FLG: variants seen among roughly 807,000 people sequenced by gnomAD.
The protein encoded by FLG is epidermal filaggrin.
FLG carries 6 observed loss-of-function variants against 3.8 expected under a neutral mutation model. The ratio of observed to expected loss-of-function variants is 1.60; its 90% confidence interval spans 0.87 to 3.15. The LOEUF (loss-of-function observed/expected upper bound fraction) is 3.15. Among genes scored for constraint, FLG ranks in the 30% most tolerant of loss-of-function variants. The pLI, the probability that FLG is intolerant of heterozygous loss-of-function variation, is 0.00. For missense variants in FLG, 7,595 were observed against 5,050.9 expected (o/e 1.50, Z -15.27); for synonymous variants, 2,551 against 1,931.6 (o/e 1.32, Z -8.41).
At position 152,309,296 on chromosome 1, in the gene FLG, C is replaced by A. The variant is rs763507313; in HGVS notation, c.5590G>T (p.Val1864Phe). The change falls in exon 3 of 3, where the codon GTC becomes TTC. Residue 1864 changes from valine (V) to phenylalanine (F), a missense_variant. By Grantham distance (50) the Val-to-Phe change is conservative (BLOSUM62 -1). Coordinates refer to ENST00000368799, the MANE Select transcript of FLG (RefSeq NM_002016.2). ...TTCTCATTACGTGTTTGTCTGCTGA[C>A]ACTTCTGGATCCTGACTGCCCACGG... The part of the protein sequence containing the change: ...VSRGQSGSRS[V>F]SRQTRNEKQS... 1 of 1,613,858 alleles carries A rather than the reference C, an allele frequency of 6.2e-7. No individual in the cohort carries two copies. Among genetic ancestry groups the A allele is most frequent in the South Asian group, 1.1e-5 (1 of 91,056 alleles).
In FLG at chr1:152,304,674, C is replaced by G. The variant is rs1226513385; in HGVS notation, c.10212G>C (p.Arg3404Ser). The G allele has an allele frequency of 3.1e-6, 5 of 1,611,846 alleles. No individual in the cohort carries two copies. In the African/African-American group the frequency reaches 6.7e-5, roughly 22 times the overall value. The change falls in exon 3 of 3, where the codon AGG (arginine) becomes AGC (serine). Residue 3404 changes from arginine to serine, a missense_variant. Coordinates refer to ENST00000368799, the MANE Select transcript of FLG (RefSeq NM_002016.2). ...ATCCTTGTCTTCGTCCAGTGCTGGT[C>G]CTGGTCCGCCCATGGGCAGACTCAG... is the stretch of plus-strand genomic sequence containing the variant. ...EQSESAHGRT[R>S]TSTGRRQGSH...
At position 152,304,385 on chromosome 1, in the gene FLG, G is replaced by T. The variant is rs771594459; in HGVS notation, c.10501C>A (p.His3501Asn). 5 of 1,611,882 alleles carry T rather than the reference G, an allele frequency of 3.1e-6. No homozygotes were observed. Among genetic ancestry groups the T allele is most frequent in the Non-Finnish European group, 3.4e-6 (4 of 1,179,110 alleles). ...NDEQSGDGSRHSWSHHHEAST... is the reference protein window; with the variant it reads ...NDEQSGDGSRNSWSHHHEAST... ...GCTTCATGGTGATGCGACCATGAGT[G>T]CCTGGAGCCATCTCCTGATTGTTCG... Residue 3501 changes from histidine (H) to asparagine (N), a missense_variant, in exon 3 of 3, where the codon CAC becomes AAC. Physicochemically the swap from His to Asn is moderately conservative, Grantham distance 68 (BLOSUM62 1). Transcript: ENST00000368799.
rs142170649 is a variant in FLG at position 152,311,142 on chromosome 1, T to A, written c.3744A>T (p.Arg1248Ser). The A allele has an allele frequency of 1.9e-6, 3 of 1,613,768 alleles. No homozygotes were observed. The highest frequency in any genetic ancestry group is 1.7e-6 in the Non-Finnish European group (2 of 1,180,008). Reference sequence around the variant, plus strand: ...ATTGTTCCTGTCCCACCTGTGAGTGTCTAGAGCTGTCAGCCCAAGAGGCAG... The same window carrying A: ...ATTGTTCCTGTCCCACCTGTGAGTGACTAGAGCTGTCAGCCCAAGAGGCAG... ...HEAASWADSS[R>S]HSQVGQEQSS... Residue 1248 changes from arginine to serine, a missense_variant, in exon 3 of 3, where the codon AGA becomes AGT. Physicochemically the swap from Arg to Ser is moderately radical, Grantham distance 110. Coordinates refer to ENST00000368799, the MANE Select transcript of FLG (RefSeq NM_002016.2).
rs988056657 is a variant in FLG at position 152,302,695 on chromosome 1, A to G, written c.*5T>C. ...TCTTGGATTAATTCCTTTGCCATTA[A>G]TTTCTTACTCATAGTAATAGTATCT... On this transcript the variant is annotated 3_prime_UTR_variant, in exon 3 of 3. Coordinates refer to ENST00000368799, the MANE Select transcript of FLG (RefSeq NM_002016.2). 6.2e-7 allele frequency: 1 copy of G among 1,613,440 alleles called. No individual in the cohort carries two copies. The highest frequency in any genetic ancestry group is 1.3e-5 in the African/African-American group (1 of 74,984).
chr1:152,314,239 T>C lies in FLG; in HGVS notation c.647A>G (p.Asp216Gly). The change falls in exon 3 of 3, where the codon GAT (aspartate) becomes GGT (glycine). Residue 216 changes from aspartate to glycine, a missense_variant. Transcript: ENST00000368799. ...EKEDNEEGVYDYENTGRMTQK... is the reference protein window; with the variant it reads ...EKEDNEEGVYGYENTGRMTQK... The stretch of plus-strand genomic sequence containing the variant: ...AGTCATTCTTCCTGTATTTTCATAA[T>C]CATATACTCCTTCTTCATTGTCTTC... The C allele has an allele frequency of 6.2e-7, 1 of 1,613,864 alleles. No homozygotes were observed. The highest frequency in any genetic ancestry group is 8.5e-7 in the Non-Finnish European group (1 of 1,179,930).
rs1398253971 is a variant in FLG, at chr1:152,312,357, T to C, written c.2529A>G (p.Gly843=). ...ASQDGQDTIR[G]HPGSSRRGRQ... is the part of the protein sequence containing the mutation. ...TTCCTCTTCTGCTTGACCCCGGGTG[T>C]CCACGAATGGTGTCCTGACCATCTT... Residue 843 remains glycine, a synonymous_variant, in exon 3 of 3, where the codon GGA becomes GGG. Transcript: ENST00000368799. 5.0e-6 allele frequency: 8 copies of C among 1,611,746 alleles called. No individual in the cohort carries two copies. Among genetic ancestry groups the C allele is most frequent in the Non-Finnish European group, 6.8e-6 (8 of 1,179,392 alleles).
chr1:152,308,381 T>C lies in FLG; in HGVS notation c.6505A>G (p.Ser2169Gly), dbSNP rs147613842. ...GACCTTCCCTGGGATGTGGTGTGGC[T>C]GTGATGAGACCCTGAGTGTCCAGAC... ...DRSGHSGSHH[S>G]HTTSQGRSDA... Residue 2169 changes from serine (S) to glycine (G), a missense_variant, in exon 3 of 3, where the codon AGC (serine) becomes GGC (glycine). Physicochemically the swap from Ser to Gly is moderately conservative, Grantham distance 56. Coordinates refer to ENST00000368799, the MANE Select transcript of FLG (RefSeq NM_002016.2). The C allele has an allele frequency of 1.5e-3, 2,366 of 1,613,656 alleles. 58 individuals carry two copies. The East Asian group carries it at 0.047, about 32-fold the overall frequency.
chr1:152,303,610 C>G lies in FLG; in HGVS notation c.11276G>C (p.Arg3759Pro), dbSNP rs201304512. The G allele has an allele frequency of 1.9e-6, 3 of 1,613,836 alleles. No homozygotes were observed. In the Admixed American group the frequency reaches 5.0e-5, roughly 27 times the overall value. The change falls in exon 3 of 3, where the codon CGT becomes CCT. Residue 3759 changes from arginine to proline, a missense_variant. Physicochemically the swap from Arg to Pro is moderately radical, Grantham distance 103. Transcript: ENST00000368799. ...SASQEGQDTI[R>P]GHPGSRRGGR... ...TCCTCTCCTTGACCCCGGGTGTCCACGAATGGTGTCCTGACCCTCTTGGGA... is the reference window on the plus strand; with the variant it reads ...TCCTCTCCTTGACCCCGGGTGTCCAGGAATGGTGTCCTGACCCTCTTGGGA...
Position 152,313,621 on chromosome 1 carries a change from G to A in FLG, c.1265C>T (p.Ala422Val). Residue 422 changes from alanine to valine, a missense_variant, in exon 3 of 3, where the codon GCC becomes GTC. Ala to Val is a moderately conservative substitution (Grantham distance 64). Transcript: ENST00000368799. The part of the protein sequence containing the change: ...RGHRGSSGSQ[A>V]SDSEGHSENS... ...TTCTGAATGTCCCTCACTGTCACTG[G>A]CCTGACTACCGCTAGACCCCCGGTG... The A allele has an allele frequency of 6.2e-7, 1 of 1,612,064 alleles. No homozygotes were observed. The highest frequency in any genetic ancestry group is 8.5e-7 in the Non-Finnish European group (1 of 1,179,420).
At position 152,311,801 on chromosome 1, in the gene FLG, G is replaced by A; in HGVS notation, c.3085C>T (p.Pro1029Ser). ...ASSHEQARSS[P>S]GERHGSRHQQ... Reference sequence around the variant, plus strand: ...TGGCGGGATCCGTGTCTTTCTCCTGGACTTGATCTTGCCTGTTCATGGGAT... The same window carrying A: ...TGGCGGGATCCGTGTCTTTCTCCTGAACTTGATCTTGCCTGTTCATGGGAT... The change falls in exon 3 of 3, where the codon CCA becomes TCA. Residue 1029 changes from proline to serine, a missense_variant. Coordinates refer to ENST00000368799, the MANE Select transcript of FLG (RefSeq NM_002016.2). The A allele has an allele frequency of 5.0e-6, 8 of 1,613,976 alleles. No individual in the cohort carries two copies. Among genetic ancestry groups the A allele is most frequent in the Non-Finnish European group, 6.8e-6 (8 of 1,179,972 alleles).
chr1:152,309,472 G>A lies in FLG; in HGVS notation c.5414C>T (p.Ala1805Val), dbSNP rs12405241. 0.17 allele frequency: 276,447 copies of A among 1,612,904 alleles called. 33,279 individuals carry two copies. Among genetic ancestry groups the A allele is most frequent in the East Asian group, 0.56 (25,123 of 44,708 alleles). The change falls in exon 3 of 3, where the codon GCG becomes GTG. Residue 1805 changes from alanine (A) to valine (V), a missense_variant. Coordinates refer to ENST00000368799, the MANE Select transcript of FLG (RefSeq NM_002016.2). ...EQARDSSRHS[A>V]SQEGQDTIRG... ...AATGGTGTCCTGACCCTCTTGGGAC[G>A]CTGAGTGCCTGGAGCTGTCTCGTGC...
rs1293352092 is a variant in FLG, at chr1:152,310,205, G to A, written c.4681C>T (p.His1561Tyr). The A allele has an allele frequency of 6.2e-7, 1 of 1,613,688 alleles. No homozygotes were observed. Among genetic ancestry groups the A allele is most frequent in the South Asian group, 1.1e-5 (1 of 91,044 alleles). ...CCGGCCCGAGTGGAAGGTTCATGGT[G>A]ACGTGACCCTGAGTGCCTGGAGCCG... ...GDGSRHSGSRHHEPSTRAGSS... is the reference protein window; with the variant it reads ...GDGSRHSGSRYHEPSTRAGSS... The change falls in exon 3 of 3, where the codon CAC (histidine) becomes TAC (tyrosine). Residue 1561 changes from histidine to tyrosine, a missense_variant. Transcript: ENST00000368799.
In FLG at chr1:152,314,877, T is replaced by A. The variant is rs190549059; in HGVS notation, c.139-130A>T. 1.3e-3 allele frequency: 1,425 copies of A among 1,071,856 alleles called. 22 individuals are homozygous for A. The East Asian group carries it at 0.036, about 27-fold the overall frequency. 66.4% of individuals were successfully genotyped at this position (1,071,856 alleles called of 1,614,324 possible). A position where few individuals can be genotyped will look rare whatever the true frequency, so the allele number is the denominator to read the frequency against. On this transcript the variant is annotated intron_variant, in intron 2 of 2. Coordinates refer to ENST00000368799, the MANE Select transcript of FLG (RefSeq NM_002016.2). ...AGTGGGACAAAATCTTTTTTTTTTT[T>A]AAGACTTTTTTGTCTCATCCTCATT...
In FLG at chr1:152,308,780, G is replaced by T. The variant is rs763351886; in HGVS notation, c.6106C>A (p.His2036Asn). The T allele has an allele frequency of 6.2e-5, 100 of 1,613,978 alleles. No homozygotes were observed. The highest frequency in any genetic ancestry group is 8.1e-5 in the Non-Finnish European group (96 of 1,180,016). ...GCCTGACTACCACTGTACCCTCGGT[G>T]TCCACTGTCTCTGACTGCAGATGAA... ...QASSAVRDSG[H>N]RGYSGSQASD... Residue 2036 changes from histidine (H) to asparagine (N), a missense_variant, in exon 3 of 3, where the codon CAC becomes AAC. Transcript: ENST00000368799.
At position 152,309,667 on chromosome 1, in the gene FLG, G is replaced by A. The variant is rs147346197; in HGVS notation, c.5219C>T (p.Ala1740Val). The A allele has an allele frequency of 5.0e-6, 8 of 1,613,950 alleles. No homozygotes were observed. Among genetic ancestry groups the A allele is most frequent in the Non-Finnish European group, 6.8e-6 (8 of 1,179,996 alleles). The change falls in exon 3 of 3, where the codon GCT becomes GTT. Residue 1740 changes from alanine to valine, a missense_variant. Coordinates refer to ENST00000368799, the MANE Select transcript of FLG (RefSeq NM_002016.2). ...TTGGTGGCTCTGCTGATGGGGCCCA[G>A]CCTGTCCGTGGGCTGACACTGACTG... is the stretch of plus-strand genomic sequence containing the variant. ...DTQSVSAHGQ[A>V]GPHQQSHQES...
rs145809104 is a variant in FLG, at chr1:152,311,205, T to A, written c.3681A>T (p.Gly1227=). ...SRQTRKDKQS[G]DGSRHSGSRH... ...GTGACCCTGAGTGCCTGGAGCCGTC[T>A]CCTGATTGTTTGTCCTTACGAGTTT... Residue 1227 remains glycine (G), a synonymous_variant, in exon 3 of 3, where the codon GGA becomes GGT. Coordinates refer to ENST00000368799, the MANE Select transcript of FLG (RefSeq NM_002016.2). The A allele has an allele frequency of 1.9e-6, 3 of 1,613,800 alleles. No homozygotes were observed. Among genetic ancestry groups the A allele is most frequent in the African/African-American group, 2.7e-5 (2 of 74,902 alleles).
Position 152,304,714 on chromosome 1 carries a change from C to T in FLG, c.10172G>A (p.Ser3391Asn). 6.2e-7 allele frequency: 1 copy of T among 1,613,254 alleles called. No individual in the cohort carries two copies. The highest frequency in any genetic ancestry group is 8.5e-7 in the Non-Finnish European group (1 of 1,179,856). ...GGCAGACTCAGACTGTTCATGAGTG[C>T]TCACCTGGTAGAGGAAAGACCCTGA... ...GRSGSFLYQV[S>N]THEQSESAHG... The change falls in exon 3 of 3, where the codon AGC (serine) becomes AAC (asparagine). Residue 3391 changes from serine to asparagine, a missense_variant. Physicochemically the swap from Ser to Asn is conservative, Grantham distance 46. Coordinates refer to ENST00000368799, the MANE Select transcript of FLG (RefSeq NM_002016.2).
At position 152,310,811 on chromosome 1, in the gene FLG, A is replaced by T. The variant is rs1386821775; in HGVS notation, c.4075T>A (p.Ser1359Thr). The part of the protein sequence containing the change: ...ARSSPGERHG[S>T]RHQQSADSSR... The stretch of plus-strand genomic sequence containing the variant: ...CTGTCTGCTGACTGCTGGTGGCGGG[A>T]TCCATGTCTTTCTCCTGGACTTGAT... The change falls in exon 3 of 3, where the codon TCC (serine) becomes ACC (threonine). Residue 1359 changes from serine to threonine, a missense_variant. Ser to Thr is a moderately conservative substitution (Grantham distance 58). Coordinates refer to ENST00000368799, the MANE Select transcript of FLG (RefSeq NM_002016.2). 2 of 1,611,466 alleles carry T rather than the reference A, an allele frequency of 1.2e-6. No homozygotes were observed. The highest frequency in any genetic ancestry group is 2.2e-5 in the East Asian group (1 of 44,500).
At position 152,308,434 on chromosome 1, in the gene FLG, C is replaced by G. The variant is rs146106776; in HGVS notation, c.6452G>C (p.Gly2151Ala). 2 of 1,613,734 alleles carry G rather than the reference C, an allele frequency of 1.2e-6. No individual in the cohort carries two copies. The highest frequency in any genetic ancestry group is 1.7e-6 in the Non-Finnish European group (2 of 1,179,856). Residue 2151 changes from glycine (G) to alanine (A), a missense_variant, in exon 3 of 3, where the codon GGG (glycine) becomes GCG (alanine). Coordinates refer to ENST00000368799, the MANE Select transcript of FLG (RefSeq NM_002016.2). ...ATCTACCGATTGCTCTTGGTGGGACCCCTGTCTTCCTCCTCTGCTTGGCCC... is the reference window on the plus strand; with the variant it reads ...ATCTACCGATTGCTCTTGGTGGGACGCCTGTCTTCCTCCTCTGCTTGGCCC... ...HPGPSRGGRQGSHQEQSVDRS... is the reference protein window; with the variant it reads ...HPGPSRGGRQASHQEQSVDRS...
Sources: gnomAD v4.1 joint callset for allele counts on GRCh38, gnomAD v4.1.1 for gene constraint, MANE v1.5 for transcripts, NCBI Gene and HGNC (gene_info 2026-07-23, HGNC 2026-07-21) for gene names.